Variants in MCC observed in about 807,000 individuals in gnomAD.
MCC encodes the protein MCC regulator of Wnt signaling pathway.
A neutral mutation model predicts 116.2 loss-of-function variants in MCC; 90 were observed. The observed-to-expected ratio is 0.77, with a 90% CI of 0.65 to 0.92. MCC has a LOEUF of 0.92. MCC is among the 40% of genes least tolerant of loss of function. MCC has a pLI of 0.00. For missense variants in MCC, 1,516 were observed against 1,312.2 expected (o/e 1.16, Z -2.40); for synonymous variants, 578 against 510.5 (o/e 1.13, Z -1.78).
At chr5:113,054,773 G>A (rs1015865751) in intron 14 of MCC, among the ~76,000 whole-genome samples, 6 of 152,194 alleles carry the variant, frequency 3.9e-5, no homozygotes, top group Non-Finnish European at 7.4e-5. Context: ...CAGGCAGGGA[G>A]CCCCCAGCTG....
intron 17 of MCC, among the ~76,000 whole-genome samples, chr5:113,035,726 A>T (rs568921135): frequency 6.6e-6 from 1 of 152,124 alleles, no homozygotes; most frequent in African/African-American, 2.4e-5. Context: ...CTGACCACCC[A>T]TCTAAACTCA....
chr5:113,434,231 G>GC lies in MCC; in HGVS notation c.171-49020dup, dbSNP rs776512859. ...CGCAGACCATGATGTAGAGGATCAC[G>GC]CCTAGGCTCCAGATGTCGTACACCT... On this transcript the variant is annotated intron_variant, in intron 1 of 18. Transcript: ENST00000408903. The surrounding 1 kb of genome is among the most constrained non-coding windows in gnomAD (Gnocchi z 4.2). 207 of 1,614,054 alleles carry GC rather than the reference G, an allele frequency of 1.3e-4. 1 individual carries two copies. The highest frequency in any genetic ancestry group is 3.3e-4 in the Middle Eastern group (2 of 6,062).
intron 3 of MCC, among the ~76,000 whole-genome samples, chr5:113,335,565 T>C (rs949108434): frequency 6.6e-6 from 1 of 151,768 alleles, no homozygotes; most frequent in African/African-American, 2.4e-5. Context: ...TTATAATTTA[T>C]ACTAGCATTA....
chr5:113,035,661 T>G (rs1751280496), intron 17 of MCC, among the ~76,000 whole-genome samples: 1 of 152,200 alleles, frequency 6.6e-6, no homozygotes, highest in Non-Finnish European at 1.5e-5. Context: ...CGGATATGAT[T>G]CTGCCTCTCT....
chr5:113,488,097 G>T, intron 1 of MCC, 148 bp downstream of exon 1: 1 of 802,802 alleles, frequency 1.2e-6, no homozygotes. Context: ...GGCCGAGCCG[G>T]CTACGCGCTC....
chr5:113,224,619 C>G (rs776942368), intron 3 of MCC, among the ~76,000 whole-genome samples: 1 of 152,156 alleles, frequency 6.6e-6, no homozygotes, highest in Non-Finnish European at 1.5e-5. Flanking sequence ...ATGTTTTCCT[C>G]TGTGTAAATT....
chr5:113,035,358 C>T (rs892521002), intron 17 of MCC, among the ~76,000 whole-genome samples: 4 of 152,198 alleles, frequency 2.6e-5, no homozygotes, highest in South Asian at 2.1e-4. Context: ...CACTTCTCAC[C>T]CGGACAACCA....
intron 3 of MCC, among the ~76,000 whole-genome samples, chr5:113,203,997 A>G (rs1762803234): frequency 6.6e-6 from 1 of 152,206 alleles, no homozygotes; most frequent in South Asian, 2.1e-4. Flanking sequence ...CAGGCTCAAT[A>G]TCCCCTATTT....
At chr5:113,322,629 T>C (rs1767446665) in intron 3 of MCC, among the ~76,000 whole-genome samples, 2 of 152,214 alleles carry the variant, frequency 1.3e-5, no homozygotes, top group South Asian at 4.1e-4. Flanking sequence ...TTTATACCTA[T>C]TTCTACCTCC....
intron 1 of MCC, among the ~76,000 whole-genome samples, chr5:113,478,622 G>T (rs1001439870): frequency 6.6e-6 from 1 of 152,196 alleles, no homozygotes; most frequent in African/African-American, 2.4e-5. Flanking sequence ...CAAGTATGCA[G>T]TTACTGCATA....
intron 2 of MCC, among the ~76,000 whole-genome samples, chr5:113,370,928 C>CA (rs1287432182): frequency 4.5e-4 from 68 of 152,206 alleles, no homozygotes; most frequent in African/African-American, 1.6e-3. Flanking sequence ...AGCTGAAAGA[C>CA]AGTTGAGGCT....
chr5:113,286,893 G>C (rs1412215662), intron 3 of MCC, among the ~76,000 whole-genome samples: 1 of 152,132 alleles, frequency 6.6e-6, no homozygotes, highest in East Asian at 1.9e-4. Flanking sequence ...TACCAATTTT[G>C]GCTGTTTCTA....
At chr5:113,106,853 C>T (rs1756764911) in intron 6 of MCC, among the ~76,000 whole-genome samples, 1 of 152,164 alleles carries the variant, frequency 6.6e-6, no homozygotes, top group East Asian at 1.9e-4. Flanking sequence ...GCCTGGCCAA[C>T]CAAATTTCTA....
At chr5:113,431,230 A>G (rs539466787) in intron 1 of MCC, among the ~76,000 whole-genome samples, 1 of 152,174 alleles carries the variant, frequency 6.6e-6, no homozygotes, top group Non-Finnish European at 1.5e-5. Flanking sequence ...TAACCAGATT[A>G]GTTGCATATG....
chr5:113,191,785 G>C (rs1042662270), intron 3 of MCC, among the ~76,000 whole-genome samples: 2 of 152,140 alleles, frequency 1.3e-5, no homozygotes, highest in Non-Finnish European at 2.9e-5. Flanking sequence ...GCCCCCAGTG[G>C]GCCACCACTC....
chr5:113,154,102 G>C (rs1399831187), intron 3 of MCC, among the ~76,000 whole-genome samples: 2 of 152,192 alleles, frequency 1.3e-5, no homozygotes, highest in Non-Finnish European at 2.9e-5. Context: ...GCTTTGGGTG[G>C]TTTTAAGCTG....
In MCC at chr5:113,236,082, T is replaced by C. The variant is rs559091545; in HGVS notation, c.628-84660A>G. The stretch of plus-strand genomic sequence containing the variant: ...GGGTGCCTTTGAAGAGTAAATTCTA[T>C]GACAGGTAAAAATGCTGGCTGCAAG... On this transcript the variant is annotated intron_variant, in intron 3 of 18. Coordinates refer to ENST00000408903, the MANE Select transcript of MCC (RefSeq NM_001085377.2). Among the ~76,000 whole-genome samples, 7 of 152,326 alleles carry C rather than the reference T, an allele frequency of 4.6e-5. No homozygotes were observed. In the South Asian group the frequency reaches 1.5e-3, roughly 32 times the overall value.
At chr5:113,112,086 C>G (rs1303221888) in intron 6 of MCC, among the ~76,000 whole-genome samples, 1 of 152,208 alleles carries the variant, frequency 6.6e-6, no homozygotes, top group Non-Finnish European at 1.5e-5. Context: ...TCCAACCAAG[C>G]AGTCCCCTCT....
intron 3 of MCC, among the ~76,000 whole-genome samples, chr5:113,234,968 G>A (rs1344069362): frequency 1.3e-5 from 2 of 152,152 alleles, no homozygotes; most frequent in Non-Finnish European, 2.9e-5. Flanking sequence ...AGAAATTCAG[G>A]TGGTAACCTC....
Sources: allele counts gnomAD v4.1 joint callset (sites outside exome capture counted in the v4.1 genomes callset), GRCh38; gene constraint gnomAD v4.1.1; non-coding constraint Gnocchi (gnomAD v3.1); transcripts MANE v1.5; gene names NCBI Gene and HGNC (gene_info 2026-07-23, HGNC 2026-07-21).